NRXN3: variants seen among roughly 807,000 people sequenced by gnomAD.
The protein encoded by NRXN3 is neurexin III.
NRXN3 carries 32 observed loss-of-function variants against 137.6 expected under a neutral mutation model. The ratio of observed to expected loss-of-function variants is 0.23; its 90% CI spans 0.18 to 0.31. NRXN3 has a LOEUF of 0.31. NRXN3 is among the 10% of genes least tolerant of loss of function. NRXN3 has a pLI of 1.00. For synonymous variants in NRXN3, 798 were observed against 784.5 expected, an observed-to-expected ratio of 1.02 and a Z score of -0.29; for missense variants, 1,574 against 2,062.5, an observed-to-expected ratio of 0.76 and a Z score of 4.59.
At chr14:79,078,131 T>C (rs1409796535) in intron 15 of NRXN3, among the ~76,000 whole-genome samples, 1 of 152,170 alleles carries the variant, frequency 6.6e-6, no homozygotes, top group Non-Finnish European at 1.5e-5. Flanking sequence ...ACTTGAAAGA[T>C]GCCTAGGATT....
intron 16 of NRXN3, among the ~76,000 whole-genome samples, chr14:79,657,593 G>A (rs1432091577): frequency 1.3e-5 from 2 of 152,112 alleles, no homozygotes; most frequent in African/African-American, 4.8e-5. Flanking sequence ...TGTAGAACAA[G>A]AAGACCATAA....
chr14:78,597,805 AC>A (rs2097170197), intron 4 of NRXN3, among the ~76,000 whole-genome samples: 1 of 152,194 alleles, frequency 6.6e-6, no homozygotes, highest in Non-Finnish European at 1.5e-5. Flanking sequence ...AGACATATAA[AC>A]AGTGGCCATG....
At chr14:79,211,151 C>T (rs2067601478) in intron 15 of NRXN3, among the ~76,000 whole-genome samples, 3 of 152,150 alleles carry the variant, frequency 2.0e-5, no homozygotes, top group African/African-American at 7.2e-5. Context: ...GACCCCACTA[C>T]CTGCTATTAT....
chr14:78,502,169 C>T (rs936293569), intron 4 of NRXN3, among the ~76,000 whole-genome samples: 1 of 152,096 alleles, frequency 6.6e-6, no homozygotes, highest in African/African-American at 2.4e-5. Context: ...CTGTCCATCT[C>T]CTAGTCCCTG....
intron 8 of NRXN3, among the ~76,000 whole-genome samples, chr14:78,781,597 T>C (rs987440616): frequency 1.3e-5 from 2 of 152,184 alleles, no homozygotes; most frequent in African/African-American, 2.4e-5. Flanking sequence ...CCAAATTATA[T>C]ATGACCGCAT....
intron 4 of NRXN3, among the ~76,000 whole-genome samples, chr14:78,462,783 T>C (rs1598982451): frequency 6.6e-6 from 1 of 152,202 alleles, no homozygotes; most frequent in East Asian, 1.9e-4. Flanking sequence ...ACAATGACCT[T>C]GTAATTTAAA....
intron 4 of NRXN3, among the ~76,000 whole-genome samples, chr14:78,530,119 A>AAAAG (rs907456113): frequency 7.2e-5 from 11 of 152,198 alleles, no homozygotes; most frequent in African/African-American, 2.2e-4. Flanking sequence ...TCAGAGAGAT[A>AAAAG]AAAGAAAGAA....
chr14:79,671,731 T>G (rs2098608787), intron 17 of NRXN3, among the ~76,000 whole-genome samples: 1 of 152,062 alleles, frequency 6.6e-6, no homozygotes, highest in Admixed American at 6.6e-5. Context: ...TTGTATCTTA[T>G]AAGTTAAATA....
At chr14:78,957,900 GCAC>G (rs1009887113) in intron 11 of NRXN3, among the ~76,000 whole-genome samples, 19 of 152,110 alleles carry the variant, frequency 1.2e-4, no homozygotes, top group African/African-American at 4.6e-4. Flanking sequence ...ATTTTACAAG[GCAC>G]TGATAATACA....
intron 15 of NRXN3, among the ~76,000 whole-genome samples, chr14:79,466,644 A>G (rs189357893): frequency 1.6e-4 from 24 of 152,256 alleles, no homozygotes; most frequent in Admixed American, 1.3e-3. Context: ...TAGCAACACA[A>G]TAGTGAAATA....
intron 8 of NRXN3, among the ~76,000 whole-genome samples, chr14:78,737,097 T>C (rs964416834): frequency 6.6e-6 from 1 of 152,200 alleles, no homozygotes; most frequent in African/African-American, 2.4e-5. Context: ...ATATTGGCTG[T>C]GTTAGTTGCT....
At chr14:79,509,509 C>T (rs568477646) in intron 16 of NRXN3, among the ~76,000 whole-genome samples, 3 of 148,904 alleles carry the variant, frequency 2.0e-5, no homozygotes, top group Non-Finnish European at 4.4e-5. Flanking sequence ...GAGGAAGGCT[C>T]TGTCTCAAAA....
chr14:79,723,449 G>A (rs1337879478), intron 19 of NRXN3, among the ~76,000 whole-genome samples: 6 of 152,232 alleles, frequency 3.9e-5, no homozygotes, highest in East Asian at 1.9e-4. Context: ...GCATTGTAGC[G>A]TCTTAGATGA....
intron 15 of NRXN3, among the ~76,000 whole-genome samples, chr14:79,356,073 T>G (rs1297685594): frequency 6.6e-6 from 1 of 152,186 alleles, no homozygotes; most frequent in Non-Finnish European, 1.5e-5. Context: ...AAATTAGTTT[T>G]GTATTTTTTT....
At chr14:79,278,698 G>A (rs1300932201) in intron 15 of NRXN3, among the ~76,000 whole-genome samples, 2 of 152,234 alleles carry the variant, frequency 1.3e-5, no homozygotes, top group African/African-American at 2.4e-5. Context: ...ACCACCGGGG[G>A]TGGCAGCCAC....
chr14:79,530,828 A>G (rs186128662), intron 16 of NRXN3, among the ~76,000 whole-genome samples: 1 of 152,330 alleles, frequency 6.6e-6, no homozygotes, highest in East Asian at 1.9e-4. Context: ...GAATAGGTAC[A>G]GCATTATCAA....
At chr14:79,038,868 A>G (rs2099620565) in intron 15 of NRXN3, among the ~76,000 whole-genome samples, 1 of 152,092 alleles carries the variant, frequency 6.6e-6, no homozygotes, top group Admixed American at 6.6e-5. Context: ...TCTCTGGGAA[A>G]ATTTTCCATC....
At position 79,749,122 on chromosome 14, in the gene NRXN3, C is replaced by A. The variant is rs146276324; in HGVS notation, c.4014+51185C>A. Among the ~76,000 whole-genome samples the A allele has an allele frequency of 1.7e-3, 256 of 152,180 alleles. 3 individuals carry two copies. The Middle Eastern group carries it at 0.027, about 16-fold the overall frequency. ...AGTGTGCTTGAAAGTTCTCACCCAG[C>A]CTGTGTCAGCCACCTGCCTGCTACA... On this transcript the variant is annotated intron_variant, in intron 19 of 20. Transcript: ENST00000335750.
At chr14:79,409,685 A>G (rs1378901130) in intron 15 of NRXN3, among the ~76,000 whole-genome samples, 1 of 148,696 alleles carries the variant, frequency 6.7e-6, no homozygotes, top group Non-Finnish European at 1.5e-5. Flanking sequence ...AAATGCCTAC[A>G]TTACATAAAG....
Sources: allele counts gnomAD v4.1 joint callset (sites outside exome capture counted in the v4.1 genomes callset), GRCh38; gene constraint gnomAD v4.1.1; transcripts MANE v1.5; gene names NCBI Gene and HGNC (gene_info 2026-07-23, HGNC 2026-07-21).